The following LATS2 variants were observed in gnomAD, a reference collection of about 807,000 sequenced individuals.
The protein encoded by LATS2 is large tumor suppressor kinase 2.
LATS2 carries 24 observed loss-of-function variants against 76.0 expected under a neutral mutation model. The observed-to-expected ratio is 0.32, with a 90% CI of 0.23 to 0.44. The LOEUF (loss-of-function observed/expected upper bound fraction) is 0.44, where lower values mean the gene tolerates loss of function less well. LATS2 is among the 20% of genes least tolerant of loss of function. The pLI, the probability that LATS2 is intolerant of heterozygous loss-of-function variation, is 1.00. For synonymous variants in LATS2, 692 were observed against 635.4 expected, an observed-to-expected ratio of 1.09 and a Z score of -1.34; for missense variants, 1,286 against 1,481.2, an observed-to-expected ratio of 0.87 and a Z score of 2.16.
chr13:21,007,545 GTATATATATATATATATATA>G (rs71090549), intron 2 of LATS2, among the ~76,000 whole-genome samples: 1 of 3,610 alleles, frequency 2.8e-4, no homozygotes, highest in African/African-American at 1.0e-3. Context: ...TATATATATA[GTATATATATATATATATATA>G]TATATATATA....
At chr13:21,051,059 TAGA>T (rs1159646929) in intron 1 of LATS2, among the ~76,000 whole-genome samples, 2 of 152,226 alleles carry the variant, frequency 1.3e-5, no homozygotes, top group African/African-American at 4.8e-5. Context: ...GTCTGCCCTC[TAGA>T]AGATGTGTGA....
intron 3 of LATS2, among the ~76,000 whole-genome samples, chr13:20,989,711 AC>A (rs1251625717): frequency 6.6e-6 from 1 of 152,162 alleles, no homozygotes; most frequent in Non-Finnish European, 1.5e-5. Flanking sequence ...TTACCGACAC[AC>A]GGTTCCCAAA....
chr13:20,974,720 T>C lies in LATS2; in HGVS notation c.*150A>G, dbSNP rs1181827898. On this transcript the variant is annotated 3_prime_UTR_variant, in exon 8 of 8. Coordinates refer to ENST00000382592, the MANE Select transcript of LATS2 (RefSeq NM_014572.3). The stretch of plus-strand genomic sequence containing the variant: ...GTTTTCAAAAGTGTCCTGTTTGGGT[T>C]TTCTTGGTGAAGAGCAGAATTTCAA... 3.7e-6 allele frequency: 3 copies of C among 817,614 alleles called. No homozygotes were observed. In the East Asian group the frequency reaches 8.0e-5, roughly 22 times the overall value. The allele number at this position is 817,614 out of a possible 1,614,324, so 50.6% of individuals were successfully genotyped here. A position where few individuals can be genotyped will look rare whatever the true frequency, so the allele number is the denominator to read the frequency against.
intron 4 of LATS2, among the ~76,000 whole-genome samples, chr13:20,986,626 G>A (rs2138281460): frequency 6.6e-6 from 1 of 152,190 alleles, no homozygotes; most frequent in Admixed American, 6.5e-5. Flanking sequence ...GTGGGAAAGG[G>A]TGTGTGTGTG....
rs1873645138 is a variant in LATS2, at chr13:21,061,424, T to G, written c.-283A>C. On this transcript the variant is annotated 5_prime_UTR_variant, in exon 1 of 8. Transcript: ENST00000382592. ...CCTCTCGCGCCGGGAGACCGGGCAC[T>G]GGTGGCTGGAGCTGCTGCTGGCCCC... 6.5e-6 allele frequency: 1 copy of G among 152,716 alleles called. No individual in the cohort carries two copies. The highest frequency in any genetic ancestry group is 2.4e-5 in the African/African-American group (1 of 41,310). 9.5% of individuals were successfully genotyped at this position (152,716 alleles called of 1,614,324 possible). A position where few individuals can be genotyped will look rare whatever the true frequency, so the allele number is the denominator to read the frequency against.
chr13:20,983,854 CATG>C (rs762812425), intron 4 of LATS2, 48 bp from the exon 5 acceptor site: 2 of 1,456,966 alleles, frequency 1.4e-6, no homozygotes, highest in Admixed American at 1.8e-5. Context: ...AGAGAAGTCC[CATG>C]ATAACAAATG....
Position 21,022,497 on chromosome 13 carries a change from G to C in LATS2, c.342+23188C>G, listed in dbSNP as rs571541848. On this transcript the variant is annotated intron_variant, in intron 2 of 7. Coordinates refer to ENST00000382592, the MANE Select transcript of LATS2 (RefSeq NM_014572.3). ...GAAGGTTCTTCCTGTATCCTGCAAA[G>C]ATTGGTCCAGGTGGACCTTGGACCC... Among the ~76,000 whole-genome samples, 19 of 152,290 alleles carry C rather than the reference G, an allele frequency of 1.2e-4. No homozygotes were observed. In the South Asian group the frequency reaches 3.7e-3, roughly 30 times the overall value.
chr13:21,000,400 A>C (rs1443866727), intron 2 of LATS2, among the ~76,000 whole-genome samples: 1 of 152,042 alleles, frequency 6.6e-6, no homozygotes, highest in Non-Finnish European at 1.5e-5. Context: ...AATAATAATA[A>C]TAAAGATAAA....
chr13:21,051,639 G>A (rs1184624578), intron 1 of LATS2, among the ~76,000 whole-genome samples: 3 of 152,198 alleles, frequency 2.0e-5, no homozygotes, highest in Admixed American at 2.0e-4. Flanking sequence ...AGTGGTGGAG[G>A]AGGAAGGCAG....
At chr13:21,055,755 C>G in intron 1 of LATS2, among the ~76,000 whole-genome samples, 1 of 152,194 alleles carries the variant, frequency 6.6e-6, no homozygotes, top group African/African-American at 2.4e-5. Context: ...TTTTCTGAAG[C>G]AGGATTTCTT....
intron 2 of LATS2, chr13:21,023,151 TCCGGGC>T (rs57372569): frequency 0.25 from 38,709 of 151,948 alleles, 5,265 homozygotes; most frequent in African/African-American, 0.34. Context: ...CATCGAGGGC[TCCGGGC>T]TCCGAGGGCT....
intron 2 of LATS2, 41 bp downstream of exon 2, chr13:21,045,644 T>C (rs753860632): frequency 6.2e-5 from 94 of 1,518,700 alleles, no homozygotes; most frequent in Middle Eastern, 2.1e-4. Flanking sequence ...AGCTGTCCCA[T>C]AGCTGCCTCT....
rs548209751 is a variant in LATS2, at chr13:21,055,291, C to T, written c.-205+6055G>A. ...CATCAAGAGTTTTATAAATATGACCCTCATGGATGTGGACTTTAAAAAAAA... is the reference window on the plus strand; with the variant it reads ...CATCAAGAGTTTTATAAATATGACCTTCATGGATGTGGACTTTAAAAAAAA... On this transcript the variant is annotated intron_variant, in intron 1 of 7. Coordinates refer to ENST00000382592, the MANE Select transcript of LATS2 (RefSeq NM_014572.3). Among the ~76,000 whole-genome samples the T allele has an allele frequency of 7.7e-5, 10 of 129,422 alleles. No individual in the cohort carries two copies. The South Asian group carries it at 2.8e-3, about 36-fold the overall frequency. 84.9% of individuals were successfully genotyped at this position (129,422 alleles called of 152,430 possible). A position where few individuals can be genotyped will look rare whatever the true frequency, so the allele number is the denominator to read the frequency against.
intron 1 of LATS2, among the ~76,000 whole-genome samples, chr13:21,060,812 CG>C (rs1372818510): frequency 1.3e-5 from 2 of 151,420 alleles, no homozygotes; most frequent in African/African-American, 4.8e-5. Context: ...ATGGCGCGGC[CG>C]GGAGGATGGC....
chr13:21,007,636 ATATATATAGT>A (rs1308008268), intron 2 of LATS2, among the ~76,000 whole-genome samples: 24 of 1,186 alleles, frequency 0.02, 8 homozygotes, highest in Non-Finnish European at 0.032. Flanking sequence ...ATATATATAT[ATATATATAGT>A]GTGTGTATAT....
At chr13:21,050,398 T>G (rs931358322) in intron 1 of LATS2, among the ~76,000 whole-genome samples, 1 of 152,040 alleles carries the variant, frequency 6.6e-6, no homozygotes, top group Non-Finnish European at 1.5e-5. Flanking sequence ...GGGAACCACC[T>G]TCATGTCATC....
Position 20,983,821 on chromosome 13 carries a change from AAGGAAGG to A in LATS2, c.1900-22_1900-16del. The A allele has an allele frequency of 1.3e-6, 2 of 1,590,528 alleles. No homozygotes were observed. Among genetic ancestry groups the A allele is most frequent in the Non-Finnish European group, 1.7e-6 (2 of 1,167,156 alleles). ...CAGAGTCCAGCCTGTGTAGAAGGAA[AAGGAAGG>A]AGGAAGAATCACATTAGAGAAGTCC... On this transcript the variant is annotated splice_polypyrimidine_tract_variant and intron_variant, in intron 4 of 7. Coordinates refer to ENST00000382592, the MANE Select transcript of LATS2 (RefSeq NM_014572.3).
intron 4 of LATS2, among the ~76,000 whole-genome samples, chr13:20,986,780 GA>G (rs1183431213): frequency 6.6e-6 from 1 of 152,172 alleles, no homozygotes; most frequent in Non-Finnish European, 1.5e-5. Context: ...TTCCAACACA[GA>G]AATGATAAAT....
At chr13:21,056,245 C>T (rs568048074) in intron 1 of LATS2, among the ~76,000 whole-genome samples, 2 of 151,914 alleles carry the variant, frequency 1.3e-5, no homozygotes, top group Non-Finnish European at 2.9e-5. Context: ...CGCCATGTCA[C>T]CCAAGCTCGT....
Sources: gnomAD v4.1 joint callset for allele counts (sites outside exome capture counted in the v4.1 genomes callset) on GRCh38, gnomAD v4.1.1 for gene constraint, MANE v1.5 for transcripts, NCBI Gene and HGNC (gene_info 2026-07-23, HGNC 2026-07-21) for gene names.